The following BCAP29 variants were observed in gnomAD, a reference collection of about 807,000 sequenced individuals.
The protein encoded by BCAP29 is B-cell receptor-associated protein 29.
A neutral mutation model predicts 31.8 loss-of-function variants in BCAP29; 34 were observed. The observed-to-expected ratio is 1.07, with a 90% CI of 0.81 to 1.42. The LOEUF is 1.42. Ranked by LOEUF, BCAP29 falls within the 40% of genes most tolerant of loss-of-function variation. BCAP29 has a pLI of 0.00. For missense variants in BCAP29, 314 were observed against 269.2 expected (o/e 1.17, Z -1.16); for synonymous variants, 104 against 91.3 (o/e 1.14, Z -0.79).
chr7:107,591,602 CTCTG>C (rs1022035238), intron 3 of BCAP29, among the ~76,000 whole-genome samples: 10 of 75,028 alleles, frequency 1.3e-4, no homozygotes, highest in African/African-American at 6.6e-4. Flanking sequence ...CTCTTTCTCT[CTCTG>C]TCTGCCCCCT....
At position 107,600,524 on chromosome 7, in the gene BCAP29, GA is replaced by G. The variant is rs1563135100; in HGVS notation, c.589+24del. On this transcript the variant is annotated intron_variant, in intron 6 of 7. Transcript: ENST00000005259. Reference sequence around the variant, plus strand: ...TCAGATGGTAACTTTGTGTACATGTGAAAAAGTAAAAAGACTAGCATGATAT... The same window carrying G: ...TCAGATGGTAACTTTGTGTACATGTGAAAAGTAAAAAGACTAGCATGATAT... 1 of 1,448,384 alleles carries G rather than the reference GA, an allele frequency of 6.9e-7. No homozygotes were observed. The highest frequency in any genetic ancestry group is 2.3e-5 in the East Asian group (1 of 43,932). The allele number at this position is 1,448,384 out of a possible 1,614,324, so 89.7% of individuals were successfully genotyped here.
intron 2 of BCAP29, among the ~76,000 whole-genome samples, chr7:107,583,627 C>T (rs1807102200): frequency 6.6e-6 from 1 of 151,918 alleles, no homozygotes; most frequent in Non-Finnish European, 1.5e-5. Flanking sequence ...AGGTTTTGCT[C>T]ATGTATGGTT....
intron 7 of BCAP29, among the ~76,000 whole-genome samples, chr7:107,616,959 G>A (rs1267623939): frequency 6.6e-5 from 10 of 152,096 alleles, no homozygotes; most frequent in African/African-American, 1.9e-4. Context: ...GGCTGGTCTC[G>A]AACTCCTGAC....
chr7:107,585,239 A>T (rs952366151), intron 3 of BCAP29, among the ~76,000 whole-genome samples: 8 of 152,210 alleles, frequency 5.3e-5, no homozygotes, highest in Admixed American at 5.2e-4. Context: ...GTTTTGTGAG[A>T]AAATGTCTTC....
At chr7:107,583,808 C>T in intron 2 of BCAP29, 74 bp from the exon 3 acceptor site, 2 of 627,822 alleles carry the variant, frequency 3.2e-6, no homozygotes, top group East Asian at 6.6e-5. Context: ...TAAAATGTTA[C>T]TTCAGTATTT....
intron 7 of BCAP29, among the ~76,000 whole-genome samples, chr7:107,616,880 A>G (rs915538581): frequency 1.3e-5 from 2 of 152,166 alleles, no homozygotes; most frequent in Non-Finnish European, 2.9e-5. Context: ...CTGGGACTAC[A>G]AGCACATGCC....
At chr7:107,616,006 A>T (rs1200435768) in intron 7 of BCAP29, 1 of 152,328 alleles carries the variant, frequency 6.6e-6, no homozygotes, top group Non-Finnish European at 1.5e-5. Flanking sequence ...TCCATCATTA[A>T]CCACTATGTT....
intron 6 of BCAP29, among the ~76,000 whole-genome samples, 156 bp downstream of exon 6, chr7:107,600,661 A>G (rs1013598738): frequency 6.6e-6 from 1 of 152,256 alleles, no homozygotes; most frequent in Non-Finnish European, 1.5e-5. Context: ...ATGAAGATAA[A>G]ACATTATGTC....
rs762041206 is a variant in BCAP29 at position 107,608,478 on chromosome 7, GTTTGTT to G, written c.590-4852_590-4847del. Reference sequence around the variant, plus strand: ...TGGATATTTGTTTGTTTGTTTGTTTGTTTGTTTGTTTCATTTTTGGAGCACTTCCTT... The same window carrying G: ...TGGATATTTGTTTGTTTGTTTGTTTGTGTTTCATTTTTGGAGCACTTCCTT... On this transcript the variant is annotated intron_variant, in intron 6 of 7. Transcript: ENST00000005259. 6.3e-3 allele frequency among the ~76,000 whole-genome samples: 955 copies of G among 152,008 alleles called. 4 individuals are homozygous for G. Among genetic ancestry groups the G allele is most frequent in the Middle Eastern group, 0.01 (3 of 294 alleles).
At chr7:107,595,698 G>A in intron 4 of BCAP29, 169 bp from the exon 5 acceptor site, 1 of 573,642 alleles carries the variant, frequency 1.7e-6, no homozygotes, top group Non-Finnish European at 2.8e-6. Flanking sequence ...TGAGACACGG[G>A]CCTGTTTTTA....
chr7:107,584,444 C>G (rs886617031), intron 3 of BCAP29, among the ~76,000 whole-genome samples: 2 of 152,226 alleles, frequency 1.3e-5, no homozygotes, highest in Admixed American at 1.3e-4. Context: ...CGAGGTGGCT[C>G]AGGCCTGTAA....
chr7:107,618,235 A>G (rs532149968), intron 7 of BCAP29, 93 bp from the exon 8 acceptor site: 1 of 882,798 alleles, frequency 1.1e-6, no homozygotes, highest in Non-Finnish European at 1.7e-6. Context: ...ATAAGTATAC[A>G]TAGAAGAGAG....
At position 107,600,512 on chromosome 7, in the gene BCAP29, T is replaced by C; in HGVS notation, c.589+7T>C. ...TTAAGGAAGACTTCAGATGGTAACT[T>C]TGTGTACATGTGAAAAAGTAAAAAG... On this transcript the variant is annotated splice_region_variant and intron_variant, in intron 6 of 7. Coordinates refer to ENST00000005259, the MANE Select transcript of BCAP29 (RefSeq NM_018844.4). 6.6e-7 allele frequency: 1 copy of C among 1,514,166 alleles called. No homozygotes were observed. Among genetic ancestry groups the C allele is most frequent in the Non-Finnish European group, 9.1e-7 (1 of 1,094,682 alleles). 93.8% of individuals were successfully genotyped at this position (1,514,166 alleles called of 1,614,324 possible). A position where few individuals can be genotyped will look rare whatever the true frequency, so the allele number is the denominator to read the frequency against.
chr7:107,607,880 C>T (rs1031193326), intron 6 of BCAP29, among the ~76,000 whole-genome samples: 3 of 151,918 alleles, frequency 2.0e-5, no homozygotes, highest in South Asian at 2.1e-4. Context: ...CCTGGTGGTC[C>T]GCCTGCCTCG....
In BCAP29 at chr7:107,611,879, A is replaced by C. The variant is rs575732403; in HGVS notation, c.590-1453A>C. ...GCTGTTTAAATTTAATTGAACTTAA[A>C]TTGAAAATATAGGTCCTCACTTAAA... On this transcript the variant is annotated intron_variant, in intron 6 of 7. Transcript: ENST00000005259. 2.0e-3 allele frequency among the ~76,000 whole-genome samples: 306 copies of C among 152,340 alleles called. 2 individuals carry two copies. Among genetic ancestry groups the C allele is most frequent in the African/African-American group, 7.0e-3 (290 of 41,570 alleles).
At chr7:107,583,300 T>TA (rs1554473309) in intron 2 of BCAP29, among the ~76,000 whole-genome samples, 156 of 150,352 alleles carry the variant, frequency 1.0e-3, no homozygotes, top group Middle Eastern at 3.4e-3. Context: ...TTACATGGTT[T>TA]TATATATATA....
chr7:107,610,974 G>A (rs923925403), intron 6 of BCAP29, among the ~76,000 whole-genome samples: 4 of 152,080 alleles, frequency 2.6e-5, no homozygotes, highest in Non-Finnish European at 4.4e-5. Context: ...TATTTCTCAC[G>A]GTTCTGGTGG....
rs530292047 is a variant in BCAP29 at position 107,594,039 on chromosome 7, C to T, written c.278C>T (p.Thr93Ile). 2 of 1,613,844 alleles carry T rather than the reference C, an allele frequency of 1.2e-6. No individual in the cohort carries two copies. The highest frequency in any genetic ancestry group is 2.2e-5 in the South Asian group (2 of 91,066). The change falls in exon 4 of 8, where the codon ACA becomes ATA. Residue 93 changes from threonine to isoleucine, a missense_variant. Thr to Ile is a moderately conservative substitution (Grantham distance 89). Transcript: ENST00000005259. The part of the protein sequence containing the change: ...STSRPDAYEH[T>I]QMKLFRSQRN... The stretch of plus-strand genomic sequence containing the variant: ...AGCAGACCTGATGCCTATGAACACA[C>T]ACAGATGAAACTTTTTAGGTCTCAA...
At position 107,618,630 on chromosome 7, in the gene BCAP29, G is replaced by T; in HGVS notation, c.*267G>T. The stretch of plus-strand genomic sequence containing the variant: ...ATAATGTCATTGGTATATGGTGGCT[G>T]TTTACCAATAAAAGGAAAAAATTCA... On this transcript the variant is annotated 3_prime_UTR_variant, in exon 8 of 8. Coordinates refer to ENST00000005259, the MANE Select transcript of BCAP29 (RefSeq NM_018844.4). 1 of 1,474,804 alleles carries T rather than the reference G, an allele frequency of 6.8e-7. No homozygotes were observed. The allele number at this position is 1,474,804 out of a possible 1,614,324, so 91.4% of individuals were successfully genotyped here.
Sources: allele counts gnomAD v4.1 joint callset (sites outside exome capture counted in the v4.1 genomes callset), GRCh38; gene constraint gnomAD v4.1.1; transcripts MANE v1.5; gene names NCBI Gene and HGNC (gene_info 2026-07-23, HGNC 2026-07-21).